Variants in MAGI1 observed in about 807,000 individuals in gnomAD.
MAGI1 encodes membrane-associated guanylate kinase, WW and PDZ domain-containing protein 1.
MAGI1 carries 58 observed loss-of-function variants against 139.9 expected under a neutral mutation model. The ratio of observed to expected loss-of-function variants is 0.41; its 90% CI spans 0.34 to 0.52. MAGI1 has a LOEUF of 0.52. Among genes scored for constraint, MAGI1 ranks in the 20% least tolerant of loss-of-function variants. The probability of loss-of-function intolerance (pLI) is 0.12; values close to 1 mark genes in which losing one functional copy is unlikely to be tolerated. For synonymous variants in MAGI1, 812 were observed against 737.9 expected (o/e 1.10, Z -1.63); for missense variants, 1,874 against 1,901.6 (o/e 0.99, Z 0.27).
chr3:65,456,446 G>C (rs1355091187), intron 5 of MAGI1, among the ~76,000 whole-genome samples: 1 of 151,394 alleles, frequency 6.6e-6, no homozygotes, highest in Non-Finnish European at 1.5e-5. Context: ...CCTTTTTTAG[G>C]TGTGGAGTCT....
At chr3:65,999,641 G>A (rs1346090518) in intron 1 of MAGI1, among the ~76,000 whole-genome samples, 1 of 152,002 alleles carries the variant, frequency 6.6e-6, no homozygotes, top group East Asian at 1.9e-4. Context: ...TTCTACACAT[G>A]GTATTAATGT....
chr3:65,822,129 C>T (rs897992418), intron 1 of MAGI1, among the ~76,000 whole-genome samples: 1 of 152,078 alleles, frequency 6.6e-6, no homozygotes, highest in African/African-American at 2.4e-5. Context: ...GCAAACAACC[C>T]AGTTTCTTCA....
intron 2 of MAGI1, among the ~76,000 whole-genome samples, chr3:65,558,910 C>T (rs1019758316): frequency 2.0e-5 from 3 of 152,122 alleles, no homozygotes; most frequent in African/African-American, 4.8e-5. Context: ...CTGAGGAAAA[C>T]AATGAATCTT....
At chr3:65,992,024 T>TAAATAA (rs2066208482) in intron 1 of MAGI1, among the ~76,000 whole-genome samples, 2 of 151,722 alleles carry the variant, frequency 1.3e-5, no homozygotes, top group Non-Finnish European at 2.9e-5. Context: ...TCAAAATAAA[T>TAAATAA]AAATAAAAAT....
At chr3:65,920,122 A>G (rs1365652283) in intron 1 of MAGI1, among the ~76,000 whole-genome samples, 1 of 152,202 alleles carries the variant, frequency 6.6e-6, no homozygotes, top group Non-Finnish European at 1.5e-5. Flanking sequence ...TGCACATCAC[A>G]AATTACCCAC....
At chr3:65,360,937 C>A in intron 22 of MAGI1, 6 of 1,404,738 alleles carry the variant, frequency 4.3e-6, no homozygotes, top group Non-Finnish European at 5.5e-6. Context: ...CTTGGTCGGA[C>A]TAGACAAAAC....
intron 1 of MAGI1, chr3:65,873,631 G>C (rs1199488007): frequency 6.6e-6 from 1 of 152,186 alleles, no homozygotes; most frequent in African/African-American, 2.4e-5. Flanking sequence ...TTGTGGGAGA[G>C]AAGGACAGCA....
chr3:65,947,484 T>C (rs1288206784), intron 1 of MAGI1, among the ~76,000 whole-genome samples: 1 of 152,214 alleles, frequency 6.6e-6, no homozygotes, highest in African/African-American at 2.4e-5. Flanking sequence ...ATTTATATTT[T>C]TAAATCATCA....
chr3:65,996,923 C>T (rs573744233), intron 1 of MAGI1, among the ~76,000 whole-genome samples: 37 of 152,326 alleles, frequency 2.4e-4, no homozygotes, highest in African/African-American at 8.2e-4. Flanking sequence ...TTGTCATACA[C>T]GAATGACGTC....
chr3:65,811,948 GTGTGTGT>G (rs2041263117), intron 1 of MAGI1, among the ~76,000 whole-genome samples: 1 of 151,736 alleles, frequency 6.6e-6, no homozygotes, highest in Non-Finnish European at 1.5e-5. Context: ...GTGTGTGTGT[GTGTGTGT>G]GTGTGAGAGA....
chr3:65,719,014 TA>T (rs2032639985), intron 1 of MAGI1, among the ~76,000 whole-genome samples: 1 of 62,608 alleles, frequency 1.6e-5, no homozygotes, highest in Non-Finnish European at 2.9e-5. Flanking sequence ...CACATAACCC[TA>T]CCAAAAAAAA....
At chr3:65,914,106 CA>C in intron 1 of MAGI1, 1 of 152,292 alleles carries the variant, frequency 6.6e-6, no homozygotes, top group Non-Finnish European at 1.5e-5. Context: ...GCTTCATGAT[CA>C]AAATCACCTC....
chr3:65,813,113 A>C (rs2041383036), intron 1 of MAGI1, among the ~76,000 whole-genome samples: 1 of 152,184 alleles, frequency 6.6e-6, no homozygotes, highest in Admixed American at 6.5e-5. Flanking sequence ...AGGAAACGAA[A>C]CCATCTTCAT....
intron 12 of MAGI1, among the ~76,000 whole-genome samples, chr3:65,421,281 A>G (rs1946616381): frequency 6.6e-6 from 1 of 152,194 alleles, no homozygotes; most frequent in African/African-American, 2.4e-5. Context: ...TTTAATACCA[A>G]ATTGGAATGC....
At chr3:65,391,874 AAGG>A (rs1163362352) in intron 13 of MAGI1, among the ~76,000 whole-genome samples, 1 of 152,208 alleles carries the variant, frequency 6.6e-6, no homozygotes, top group Non-Finnish European at 1.5e-5. Flanking sequence ...TATTAAAAAA[AAGG>A]AGGTCAGATC....
At chr3:65,517,622 C>T (rs796970066) in intron 2 of MAGI1, among the ~76,000 whole-genome samples, 11 of 152,320 alleles carry the variant, frequency 7.2e-5, no homozygotes, top group African/African-American at 2.2e-4. Context: ...AGAGGCCCTT[C>T]GCCCTGGCAG....
chr3:65,401,382 A>AACCCCCC, intron 13 of MAGI1, 57 bp downstream of exon 13: 1 of 404,282 alleles, frequency 2.5e-6, no homozygotes, highest in Non-Finnish European at 4.3e-6. Flanking sequence ...TCCCACCTCC[A>AACCCCCC]GCCCCCCACC....
intron 3 of MAGI1, among the ~76,000 whole-genome samples, chr3:65,487,765 C>T (rs1917521): frequency 0.71 from 107,556 of 152,062 alleles, 38,418 homozygotes; most frequent in East Asian, 0.8. Context: ...AGATTCAACA[C>T]GATGATTCTT....
At chr3:65,363,078 C>T (rs1941050889) in intron 21 of MAGI1, among the ~76,000 whole-genome samples, 1 of 152,186 alleles carries the variant, frequency 6.6e-6, no homozygotes, top group Non-Finnish European at 1.5e-5. Context: ...CCAGAATCTA[C>T]AGGGCCATAT....
Sources: allele counts gnomAD v4.1 joint callset (sites outside exome capture counted in the v4.1 genomes callset), GRCh38; gene constraint gnomAD v4.1.1; transcripts MANE v1.5; gene names NCBI Gene and HGNC (gene_info 2026-07-23, HGNC 2026-07-21).